The following NR6A1 variants were observed in gnomAD, a reference collection of about 807,000 sequenced individuals.
The protein encoded by NR6A1 is retinoic acid receptor-related testis-associated receptor.
NR6A1 carries 7 observed loss-of-function variants against 59.1 expected under a neutral mutation model. The observed-to-expected ratio is 0.12, with a 90% CI of 0.07 to 0.22. The LOEUF (loss-of-function observed/expected upper bound fraction) is 0.22. NR6A1 is among the 10% of genes least tolerant of loss of function. The probability of loss-of-function intolerance (pLI) is 1.00; values close to 1 mark genes in which losing one functional copy is unlikely to be tolerated. For synonymous variants in NR6A1, 243 were observed against 236.1 expected (o/e 1.03, Z -0.27); for missense variants, 468 against 611.6 (o/e 0.77, Z 2.48).
In NR6A1 at chr9:124,571,379, G is replaced by A. The variant is rs550229626; in HGVS notation, c.143-16809C>T. On this transcript the variant is annotated intron_variant, in intron 2 of 9. Transcript: ENST00000487099. The stretch of plus-strand genomic sequence containing the variant: ...CTGTGGGCATGGATGCGATTGCAGA[G>A]GACAGGATATGAAGAGAGACTGGAA... Among the ~76,000 whole-genome samples, 5 of 152,294 alleles carry A rather than the reference G, an allele frequency of 3.3e-5. No homozygotes were observed. In the South Asian group the frequency reaches 8.3e-4, roughly 25 times the overall value.
At chr9:124,692,826 C>T (rs577884459) in intron 2 of NR6A1, among the ~76,000 whole-genome samples, 7 of 152,210 alleles carry the variant, frequency 4.6e-5, no homozygotes, top group Middle Eastern at 3.4e-3. Flanking sequence ...AGAAACAGGA[C>T]GTAGCAAGTA....
At chr9:124,636,951 C>T (rs1372550478) in intron 2 of NR6A1, among the ~76,000 whole-genome samples, 1 of 152,114 alleles carries the variant, frequency 6.6e-6, no homozygotes, top group Admixed American at 6.5e-5. Flanking sequence ...AAAAAAAACA[C>T]TAAGACAGGG....
intron 2 of NR6A1, among the ~76,000 whole-genome samples, chr9:124,662,193 G>A (rs1334961254): frequency 1.3e-5 from 2 of 152,136 alleles, no homozygotes; most frequent in South Asian, 2.1e-4. Context: ...GGTAGTCATG[G>A]CCAGAGTACG....
intron 2 of NR6A1, among the ~76,000 whole-genome samples, chr9:124,723,369 C>G (rs973718539): frequency 2.6e-5 from 4 of 152,162 alleles, no homozygotes; most frequent in African/African-American, 9.7e-5. Context: ...AGGTTACCTG[C>G]TATTGGCTGG....
chr9:124,741,606 G>A (rs543793670), intron 1 of NR6A1, among the ~76,000 whole-genome samples: 16 of 152,250 alleles, frequency 1.1e-4, no homozygotes, highest in East Asian at 9.6e-4. Flanking sequence ...TTTATGCTAC[G>A]TATATTTTAC....
At chr9:124,713,065 CATA>C (rs1411445346) in intron 2 of NR6A1, among the ~76,000 whole-genome samples, 2 of 152,182 alleles carry the variant, frequency 1.3e-5, no homozygotes, top group African/African-American at 4.8e-5. Flanking sequence ...TAATGACAGA[CATA>C]GACCAATGGA....
intron 2 of NR6A1, among the ~76,000 whole-genome samples, chr9:124,591,787 C>T (rs535586664): frequency 8.5e-5 from 13 of 152,254 alleles, no homozygotes; most frequent in South Asian, 8.3e-4. Context: ...ACACCTCCCC[C>T]ACCCCCCACC....
At chr9:124,696,395 T>A (rs1268004058) in intron 2 of NR6A1, among the ~76,000 whole-genome samples, 1 of 152,316 alleles carries the variant, frequency 6.6e-6, no homozygotes, top group Admixed American at 6.5e-5. Context: ...AATAAAAGCC[T>A]ACTGGCTGAC....
chr9:124,642,280 C>T (rs1247222028), intron 2 of NR6A1, among the ~76,000 whole-genome samples: 8 of 152,168 alleles, frequency 5.3e-5, no homozygotes, highest in Non-Finnish European at 7.4e-5. Context: ...GAACTCCTGA[C>T]CTCGGGTGAT....
intron 2 of NR6A1, among the ~76,000 whole-genome samples, chr9:124,598,104 C>G (rs773912688): frequency 6.6e-6 from 1 of 152,188 alleles, no homozygotes; most frequent in East Asian, 1.9e-4. Flanking sequence ...CTGCCTTAAC[C>G]TCTCAAAGTG....
intron 2 of NR6A1, among the ~76,000 whole-genome samples, chr9:124,713,806 C>T (rs548051741): frequency 2.5e-4 from 38 of 152,168 alleles, no homozygotes; most frequent in Non-Finnish European, 3.2e-4. Flanking sequence ...TAAAGTGGGG[C>T]GGCAGCTATG....
intron 1 of NR6A1, among the ~76,000 whole-genome samples, chr9:124,769,924 T>A (rs550139124): frequency 1.3e-5 from 2 of 152,166 alleles, no homozygotes; most frequent in African/African-American, 2.4e-5. Flanking sequence ...AATAAAAACA[T>A]TCCGCGGCAA....
intron 2 of NR6A1, among the ~76,000 whole-genome samples, chr9:124,657,563 T>A (rs1364601723): frequency 6.6e-6 from 1 of 152,202 alleles, no homozygotes; most frequent in Non-Finnish European, 1.5e-5. Context: ...TGCCATGTAC[T>A]AAACAAAAAT....
intron 2 of NR6A1, among the ~76,000 whole-genome samples, chr9:124,608,132 G>T (rs1045085552): frequency 6.6e-5 from 10 of 152,054 alleles, no homozygotes; most frequent in Admixed American, 5.9e-4. Flanking sequence ...ATTTAAAAAA[G>T]AAAAAAGCAC....
At chr9:124,524,986 A>T in intron 8 of NR6A1, 113 bp from the exon 9 acceptor site, 2 of 1,223,300 alleles carry the variant, frequency 1.6e-6, no homozygotes, top group Non-Finnish European at 2.2e-6. Context: ...GTTACTAAAC[A>T]TTGTCACAAC....
At chr9:124,638,060 C>T (rs1836666211) in intron 2 of NR6A1, among the ~76,000 whole-genome samples, 1 of 151,858 alleles carries the variant, frequency 6.6e-6, no homozygotes, top group Non-Finnish European at 1.5e-5. Flanking sequence ...CCAGCCTGGA[C>T]AATACAGTGA....
At chr9:124,585,918 A>C (rs1479316221) in intron 2 of NR6A1, among the ~76,000 whole-genome samples, 3 of 152,206 alleles carry the variant, frequency 2.0e-5, no homozygotes, top group Non-Finnish European at 4.4e-5. Flanking sequence ...GTATGTTTAT[A>C]GAATGGTTTA....
chr9:124,527,236 C>A (rs1832962627), intron 7 of NR6A1, among the ~76,000 whole-genome samples: 1 of 152,112 alleles, frequency 6.6e-6, no homozygotes, highest in Non-Finnish European at 1.5e-5. Flanking sequence ...CTAACAAGGG[C>A]CCAAGAAGGT....
intron 2 of NR6A1, among the ~76,000 whole-genome samples, chr9:124,608,975 ACTTT>A (rs1327960963): frequency 6.6e-6 from 1 of 152,182 alleles, no homozygotes; most frequent in East Asian, 1.9e-4. Context: ...TCCTTTGCCC[ACTTT>A]TTTAATGTGT....
Sources: gnomAD v4.1 joint callset for allele counts (sites outside exome capture counted in the v4.1 genomes callset) on GRCh38, gnomAD v4.1.1 for gene constraint, MANE v1.5 for transcripts, NCBI Gene and HGNC (gene_info 2026-07-23, HGNC 2026-07-21) for gene names.